Variants in VCAN observed in about 807,000 individuals in gnomAD.
VCAN encodes the protein versican core protein.
VCAN carries 44 observed loss-of-function variants against 245.5 expected under a neutral mutation model. That is an observed-to-expected ratio of 0.18 (90% CI 0.14 to 0.23). The LOEUF is 0.23. Among genes scored for constraint, VCAN ranks in the 10% least tolerant of loss-of-function variants. The pLI, the probability that VCAN is intolerant of heterozygous loss-of-function variation, is 1.00. For synonymous variants in VCAN, 1,413 were observed against 1,437.0 expected, an observed-to-expected ratio of 0.98 and a Z score of 0.38; for missense variants, 3,793 against 4,057.9, an observed-to-expected ratio of 0.93 and a Z score of 1.77.
At chr5:83,523,344 A>T (rs1297217768) in intron 7 of VCAN, among the ~76,000 whole-genome samples, 1 of 152,158 alleles carries the variant, frequency 6.6e-6, no homozygotes, top group Non-Finnish European at 1.5e-5. Flanking sequence ...TTTTCATATA[A>T]GAATTAAATG....
intron 1 of VCAN, among the ~76,000 whole-genome samples, chr5:83,473,987 A>G (rs560944697): frequency 6.6e-6 from 1 of 152,168 alleles, no homozygotes; most frequent in East Asian, 1.9e-4. Flanking sequence ...CGCTTAGTGG[A>G]CGAACGCACA....
At chr5:83,572,861 T>TTTTATTTA (rs138181383) in intron 13 of VCAN, among the ~76,000 whole-genome samples, 108 of 142,954 alleles carry the variant, frequency 7.6e-4, no homozygotes, top group African/African-American at 1.5e-3. Context: ...ACCTTTTTAT[T>TTTTATTTA]TTTATTTATT....
At chr5:83,482,722 C>T (rs1744653532) in intron 1 of VCAN, among the ~76,000 whole-genome samples, 1 of 152,156 alleles carries the variant, frequency 6.6e-6, no homozygotes, top group East Asian at 1.9e-4. Flanking sequence ...CATTCTGAGA[C>T]CCAGATTGTT....
intron 2 of VCAN, among the ~76,000 whole-genome samples, chr5:83,484,385 CATCT>C (rs1347336858): frequency 6.6e-6 from 1 of 151,854 alleles, no homozygotes; most frequent in Non-Finnish European, 1.5e-5. Context: ...AAAATCTTTC[CATCT>C]GTTTGCTTAT....
At chr5:83,508,645 G>A (rs1227669076) in intron 5 of VCAN, among the ~76,000 whole-genome samples, 3 of 152,116 alleles carry the variant, frequency 2.0e-5, no homozygotes, top group African/African-American at 7.2e-5. Context: ...TCATTATTCT[G>A]AAATAAAGTA....
intron 12 of VCAN, among the ~76,000 whole-genome samples, chr5:83,569,931 T>G (rs1009538190): frequency 6.6e-6 from 1 of 152,010 alleles, no homozygotes; most frequent in Non-Finnish European, 1.5e-5. Flanking sequence ...AGGCAGAACA[T>G]GACATATCTC....
At chr5:83,564,257 CTTTTG>C (rs1561272249) in intron 12 of VCAN, among the ~76,000 whole-genome samples, 1 of 151,976 alleles carries the variant, frequency 6.6e-6, no homozygotes, top group East Asian at 1.9e-4. Flanking sequence ...TCCAAGTTCT[CTTTTG>C]TTAAGTGGTG....
chr5:83,484,505 A>T lies in VCAN; in HGVS notation c.70+917A>T, dbSNP rs779736169. 6.9e-4 allele frequency among the ~76,000 whole-genome samples: 92 copies of T among 133,174 alleles called. No individual in the cohort carries two copies. The Middle Eastern group carries it at 0.02, about 28-fold the overall frequency. The allele number at this position is 133,174 out of a possible 152,430, so 87.4% of individuals were successfully genotyped here. On this transcript the variant is annotated intron_variant, in intron 2 of 14. Coordinates refer to ENST00000265077, the MANE Select transcript of VCAN (RefSeq NM_004385.5). ...TATCCATGTATTCATCCATCCATCC[A>T]TCCTTCCATCCATCCATCCATCCAT...
At position 83,520,993 on chromosome 5, in the gene VCAN, C is replaced by G. The variant is rs754835981; in HGVS notation, c.2687C>G (p.Thr896Ser). 12 of 1,613,788 alleles carry G rather than the reference C, an allele frequency of 7.4e-6. No homozygotes were observed. The African/African-American group carries it at 1.5e-4, about 20-fold the overall frequency. Residue 896 changes from threonine (T) to serine (S), a missense_variant, in exon 7 of 15, where the codon ACT (threonine) becomes AGT (serine). This residue lies in a region of VCAN where 3,182 missense variants were observed against 3,250.3 expected (regional missense o/e 0.98). Transcript: ENST00000265077. The stretch of plus-strand genomic sequence containing the variant: ...TCAACTGGTATTGCAGAAAAGTCAA[C>G]TTTGAGAGATTCTACAACTGAAGAA... ...TTSTGIAEKS[T>S]LRDSTTEEKV...
intron 1 of VCAN, among the ~76,000 whole-genome samples, chr5:83,474,696 C>A (rs988769076): frequency 2.6e-5 from 4 of 152,174 alleles, no homozygotes; most frequent in Non-Finnish European, 4.4e-5. Flanking sequence ...CCCCACCCAC[C>A]GAGGCCAATG....
intron 2 of VCAN, among the ~76,000 whole-genome samples, chr5:83,486,489 T>C (rs1744797110): frequency 6.6e-6 from 1 of 151,792 alleles, no homozygotes; most frequent in Non-Finnish European, 1.5e-5. Context: ...GAGGTGAAGG[T>C]GAAGGTCACA....
chr5:83,551,535 A>G (rs185192388), intron 10 of VCAN, among the ~76,000 whole-genome samples: 2 of 152,160 alleles, frequency 1.3e-5, no homozygotes, highest in Admixed American at 6.5e-5. Context: ...AATAAAAAAG[A>G]CAAAAAAGGG....
intron 7 of VCAN, among the ~76,000 whole-genome samples, chr5:83,532,199 G>A (rs1246567485): frequency 1.3e-5 from 2 of 152,068 alleles, no homozygotes; most frequent in African/African-American, 2.4e-5. Flanking sequence ...AACTTTTCTG[G>A]TTTGCAATAA....
At chr5:83,544,512 A>G (rs534205937) in intron 8 of VCAN, among the ~76,000 whole-genome samples, 60 of 152,248 alleles carry the variant, frequency 3.9e-4, no homozygotes, top group African/African-American at 1.3e-3. Flanking sequence ...TTCTTCTTTC[A>G]TGTGTAATTA....
intron 5 of VCAN, among the ~76,000 whole-genome samples, chr5:83,507,339 G>A (rs1433890184): frequency 6.6e-6 from 1 of 152,200 alleles, no homozygotes; most frequent in Non-Finnish European, 1.5e-5. Flanking sequence ...AGCAGAGATA[G>A]AACACAACTT....
rs369687554 is a variant in VCAN, at chr5:83,514,614, C to T, written c.1042+2218C>T. On this transcript the variant is annotated intron_variant, in intron 6 of 14. Coordinates refer to ENST00000265077, the MANE Select transcript of VCAN (RefSeq NM_004385.5). Reference sequence around the variant, plus strand: ...TAGCTGGGTTATAGGCATGCGCCACCGTGCCCGGCTAATTTTGTGTTTTTA... The same window carrying T: ...TAGCTGGGTTATAGGCATGCGCCACTGTGCCCGGCTAATTTTGTGTTTTTA... 2.6e-3 allele frequency among the ~76,000 whole-genome samples: 391 copies of T among 152,012 alleles called. 2 individuals carry two copies. Among genetic ancestry groups the T allele is most frequent in the African/African-American group, 8.9e-3 (370 of 41,466 alleles).
At chr5:83,545,433 G>A (rs1164500582) in intron 8 of VCAN, 104 bp from the exon 9 acceptor site, 4 of 889,252 alleles carry the variant, frequency 4.5e-6, no homozygotes, top group Non-Finnish European at 7.7e-6. Flanking sequence ...AATTGCTATG[G>A]TAAAGCCTAT....
chr5:83,529,907 G>A (rs1746452165), intron 7 of VCAN, among the ~76,000 whole-genome samples: 1 of 152,032 alleles, frequency 6.6e-6, no homozygotes, highest in African/African-American at 2.4e-5. Flanking sequence ...CTAAGTACAG[G>A]AAAATATAGA....
intron 5 of VCAN, among the ~76,000 whole-genome samples, chr5:83,496,264 C>T (rs1273579983): frequency 6.6e-6 from 1 of 152,186 alleles, no homozygotes; most frequent in Non-Finnish European, 1.5e-5. Context: ...GTCTTATAGA[C>T]GTCCTCTCCC....
Sources: gnomAD v4.1 joint callset for allele counts (sites outside exome capture counted in the v4.1 genomes callset) on GRCh38, gnomAD v4.1.1 for gene constraint, gnomAD v4.1.1 regional missense constraint, MANE v1.5 for transcripts, NCBI Gene and HGNC (gene_info 2026-07-23, HGNC 2026-07-21) for gene names.